The following CPED1 variants were observed in gnomAD, a reference collection of about 807,000 sequenced individuals.
CPED1 encodes the protein cadherin like and PC-esterase domain containing 1.
Under a neutral mutation model 128.2 loss-of-function variants are expected in CPED1, and 114 were observed. The ratio of observed to expected loss-of-function variants is 0.89; its 90% CI spans 0.76 to 1.04. The LOEUF (loss-of-function observed/expected upper bound fraction) is 1.04, where lower values mean the gene tolerates loss of function less well. Ranked by LOEUF, CPED1 falls within the 50% of genes least tolerant of loss-of-function variation. The pLI, the probability that CPED1 is intolerant of heterozygous loss-of-function variation, is 0.00. For synonymous variants in CPED1, 462 were observed against 426.7 expected, an observed-to-expected ratio of 1.08 and a Z score of -1.02; for missense variants, 1,211 against 1,207.1, an observed-to-expected ratio of 1.00 and a Z score of -0.05.
chr7:121,240,441 TATC>T (rs1798363190), intron 17 of CPED1, among the ~76,000 whole-genome samples: 1 of 152,190 alleles, frequency 6.6e-6, no homozygotes, highest in African/African-American at 2.4e-5. Context: ...GCCCTCAACA[TATC>T]ATTATCCTAT....
chr7:121,008,232 C>T (rs984923294), intron 2 of CPED1, among the ~76,000 whole-genome samples: 5 of 152,092 alleles, frequency 3.3e-5, no homozygotes, highest in Non-Finnish European at 7.4e-5. Flanking sequence ...TCTTCAAAGT[C>T]GGACCTACGT....
chr7:121,191,362 C>A (rs939974387), intron 16 of CPED1, among the ~76,000 whole-genome samples: 18 of 152,230 alleles, frequency 1.2e-4, no homozygotes, highest in Non-Finnish European at 2.4e-4. Flanking sequence ...GAGGAGGCTT[C>A]TTGGAGGAAG....
chr7:121,111,462 T>A lies in CPED1; in HGVS notation c.918+11368T>A, dbSNP rs547625210. Reference sequence around the variant, plus strand: ...AGGGGTGCCTGTTTCTCAGCCACCATAAAATTGGGTTATTTTCAAATAGAT... The same window carrying A: ...AGGGGTGCCTGTTTCTCAGCCACCAAAAAATTGGGTTATTTTCAAATAGAT... On this transcript the variant is annotated intron_variant, in intron 7 of 22. Coordinates refer to ENST00000310396, the MANE Select transcript of CPED1 (RefSeq NM_024913.5). 2.6e-5 allele frequency among the ~76,000 whole-genome samples: 4 copies of A among 152,258 alleles called. No individual in the cohort carries two copies. In the South Asian group the frequency reaches 8.3e-4, roughly 32 times the overall value.
At chr7:121,197,296 C>A (rs1797293090) in intron 16 of CPED1, among the ~76,000 whole-genome samples, 1 of 151,906 alleles carries the variant, frequency 6.6e-6, no homozygotes, top group East Asian at 1.9e-4. Flanking sequence ...TGATCATGAG[C>A]AATACATGAG....
intron 5 of CPED1, among the ~76,000 whole-genome samples, chr7:121,092,383 A>G (rs1369903085): frequency 6.6e-6 from 1 of 152,182 alleles, no homozygotes; most frequent in East Asian, 1.9e-4. Flanking sequence ...TTATTTGGGT[A>G]AGAAGAAGTG....
intron 16 of CPED1, among the ~76,000 whole-genome samples, chr7:121,216,975 T>A (rs1173758964): frequency 1.3e-5 from 2 of 152,056 alleles, no homozygotes; most frequent in African/African-American, 2.4e-5. Context: ...TTGCATTTTT[T>A]TGGAGAGTTA....
chr7:121,149,499 A>G (rs897503099), intron 16 of CPED1: 2 of 152,116 alleles, frequency 1.3e-5, no homozygotes, highest in Admixed American at 6.6e-5. Flanking sequence ...TGCTCCACAC[A>G]TTTGTTTTGC....
At chr7:121,131,962 G>GT (rs34040961) in intron 12 of CPED1, among the ~76,000 whole-genome samples, 48,712 of 141,228 alleles carry the variant, frequency 0.34, 8,344 homozygotes, top group Middle Eastern at 0.5. Context: ...TGGGGGTAAT[G>GT]TTTTTTTTTT....
At chr7:121,044,648 C>CATTTTTTTT in intron 3 of CPED1, among the ~76,000 whole-genome samples, 1 of 69,534 alleles carries the variant, frequency 1.4e-5, no homozygotes, top group South Asian at 6.2e-4. Context: ...TGACTTTCTG[C>CATTTTTTTT]TCTTTTTTTT....
intron 3 of CPED1, among the ~76,000 whole-genome samples, chr7:121,029,243 G>C (rs1300990802): frequency 2.0e-5 from 3 of 151,918 alleles, no homozygotes; most frequent in Non-Finnish European, 4.4e-5. Flanking sequence ...TGGAATAAAG[G>C]GTGAGAATCA....
At chr7:121,190,801 G>A (rs1177545802) in intron 16 of CPED1, among the ~76,000 whole-genome samples, 1 of 152,050 alleles carries the variant, frequency 6.6e-6, no homozygotes, top group Admixed American at 6.6e-5. Flanking sequence ...TCAAACTGAA[G>A]AAATGAAAGC....
intron 16 of CPED1, among the ~76,000 whole-genome samples, chr7:121,180,932 G>T (rs946040150): frequency 1.4e-4 from 21 of 151,972 alleles, no homozygotes; most frequent in Middle Eastern, 6.8e-3. Flanking sequence ...GGTCAGCCAG[G>T]GTTGAAACTG....
Position 121,244,484 on chromosome 7 carries a change from A to G in CPED1, c.2310+146A>G, listed in dbSNP as rs540060612. 3 of 783,408 alleles carry G rather than the reference A, an allele frequency of 3.8e-6. No individual in the cohort carries two copies. In the Admixed American group the frequency reaches 8.4e-5, roughly 22 times the overall value. 48.5% of individuals were successfully genotyped at this position (783,408 alleles called of 1,614,324 possible). Reference sequence around the variant, plus strand: ...TGCAATATGGCTTTTTGAATCATGTATAGATGTTATCATAGAATAGCCTGA... The same window carrying G: ...TGCAATATGGCTTTTTGAATCATGTGTAGATGTTATCATAGAATAGCCTGA... On this transcript the variant is annotated intron_variant, in intron 18 of 22. Transcript: ENST00000310396.
chr7:121,064,429 G>C, intron 5 of CPED1, 116 bp downstream of exon 5: 1 of 694,352 alleles, frequency 1.4e-6, no homozygotes, highest in Non-Finnish European at 2.5e-6. Flanking sequence ...TATCAATTCG[G>C]CAATCACAGA....
intron 3 of CPED1, among the ~76,000 whole-genome samples, chr7:121,032,997 C>A (rs1792775909): frequency 6.6e-6 from 1 of 152,160 alleles, no homozygotes; most frequent in African/African-American, 2.4e-5. Context: ...TCCAAGGAGA[C>A]CTACCACCTG....
intron 7 of CPED1, among the ~76,000 whole-genome samples, chr7:121,120,971 AAAAAAAAAAAAAAAAAC>A (rs1178179438): frequency 1.3e-5 from 1 of 75,566 alleles, no homozygotes; most frequent in Non-Finnish European, 3.4e-5. Context: ...TGACCTAAAA[AAAAAAAAAAAAAAAAAC>A]AAAAAAACTC....
chr7:121,228,617 C>T (rs532176382), intron 16 of CPED1, among the ~76,000 whole-genome samples: 2 of 148,204 alleles, frequency 1.3e-5, no homozygotes, highest in Admixed American at 1.3e-4. Flanking sequence ...ATAGAATTAC[C>T]ATCCAATCCA....
chr7:121,074,766 A>G (rs1362991976), intron 5 of CPED1, among the ~76,000 whole-genome samples: 1 of 151,928 alleles, frequency 6.6e-6, no homozygotes, highest in African/African-American at 2.4e-5. Flanking sequence ...TTGTCATATA[A>G]TGACTTTGCT....
At chr7:121,027,662 A>C (rs953718930) in intron 3 of CPED1, among the ~76,000 whole-genome samples, 1 of 151,782 alleles carries the variant, frequency 6.6e-6, no homozygotes, top group Non-Finnish European at 1.5e-5. Context: ...TCTTTGTAAC[A>C]TTCTTTCAGA....
Sources: gnomAD v4.1 joint callset for allele counts (sites outside exome capture counted in the v4.1 genomes callset) on GRCh38, gnomAD v4.1.1 for gene constraint, MANE v1.5 for transcripts, NCBI Gene and HGNC (gene_info 2026-07-23, HGNC 2026-07-21) for gene names.